Variants in NTNG2 observed in about 807,000 individuals in gnomAD.
The protein encoded by NTNG2 is netrin-G2.
In NTNG2, 15 loss-of-function variants were observed where a neutral mutation model predicts 47.6. The observed-to-expected ratio is 0.32, with a 90% CI of 0.21 to 0.49. The LOEUF is 0.49. NTNG2 is among the 20% of genes least tolerant of loss of function. The pLI is 0.99. For missense variants in NTNG2, 578 were observed against 764.6 expected, an observed-to-expected ratio of 0.76 and a Z score of 2.88; for synonymous variants, 307 against 324.6, an observed-to-expected ratio of 0.95 and a Z score of 0.58.
At chr9:132,228,611 G>A (rs975300289) in intron 4 of NTNG2, among the ~76,000 whole-genome samples, 2 of 150,830 alleles carry the variant, frequency 1.3e-5, no homozygotes, top group Non-Finnish European at 2.9e-5. Context: ...AGGCTGGAGT[G>A]CAGTGGCGCA....
chr9:132,181,557 C>T (rs1038815539), intron 2 of NTNG2, among the ~76,000 whole-genome samples: 5 of 152,114 alleles, frequency 3.3e-5, no homozygotes, highest in Admixed American at 6.6e-5. Flanking sequence ...TTAAGTGATC[C>T]GCCCACCTCA....
intron 3 of NTNG2, among the ~76,000 whole-genome samples, chr9:132,210,278 A>G (rs1186672518): frequency 6.6e-6 from 1 of 152,030 alleles, no homozygotes; most frequent in Non-Finnish European, 1.5e-5. Context: ...TCTTGTAAAG[A>G]TTGTCTGAGA....
At chr9:132,205,770 A>G (rs1051394713) in intron 3 of NTNG2, among the ~76,000 whole-genome samples, 1 of 152,128 alleles carries the variant, frequency 6.6e-6, no homozygotes, top group East Asian at 1.9e-4. Context: ...AATCCCACCT[A>G]CTTGGGAAGC....
intron 3 of NTNG2, among the ~76,000 whole-genome samples, chr9:132,199,281 C>T (rs754904059): frequency 5.9e-5 from 9 of 152,112 alleles, no homozygotes; most frequent in Non-Finnish European, 1.0e-4. Flanking sequence ...CAGGGGTTTC[C>T]GAGACCGCCC....
At chr9:132,191,813 C>T (rs1406262965) in intron 2 of NTNG2, among the ~76,000 whole-genome samples, 3 of 152,194 alleles carry the variant, frequency 2.0e-5, no homozygotes, top group African/African-American at 2.4e-5. Flanking sequence ...ACCTCATATC[C>T]ACCCGCCTCA....
chr9:132,216,036 C>T (rs1390998933), intron 3 of NTNG2, among the ~76,000 whole-genome samples: 1 of 152,160 alleles, frequency 6.6e-6, no homozygotes, highest in Non-Finnish European at 1.5e-5. Context: ...GGTTACAGGA[C>T]ACCGACTGAT....
At chr9:132,216,414 C>CTGTGTGTGTGTG (rs1177821281) in intron 3 of NTNG2, among the ~76,000 whole-genome samples, 2 of 110,288 alleles carry the variant, frequency 1.8e-5, no homozygotes, top group African/African-American at 9.8e-5. Flanking sequence ...CTCTCTCTCT[C>CTGTGTGTGTGTG]TGTGTGTGTG....
intron 2 of NTNG2, among the ~76,000 whole-genome samples, chr9:132,178,149 G>A (rs1836624229): frequency 6.6e-6 from 1 of 152,196 alleles, no homozygotes. Context: ...AGGCCACAGT[G>A]AGGCCTGAGG....
chr9:132,190,213 AAAGAG>A (rs1837768938), intron 2 of NTNG2, among the ~76,000 whole-genome samples: 1 of 135,760 alleles, frequency 7.4e-6, no homozygotes, highest in African/African-American at 2.8e-5. Context: ...AGACTGGGCG[AAAGAG>A]AGAGACTCCA....
chr9:132,230,060 G>A (rs1191019601), intron 4 of NTNG2, among the ~76,000 whole-genome samples: 2 of 152,232 alleles, frequency 1.3e-5, no homozygotes, highest in Non-Finnish European at 2.9e-5. Flanking sequence ...AGGACGGCAC[G>A]ATTTACGCAG....
At chr9:132,223,067 T>C (rs995460112) in intron 3 of NTNG2, among the ~76,000 whole-genome samples, 4 of 152,142 alleles carry the variant, frequency 2.6e-5, no homozygotes, top group African/African-American at 7.2e-5. Context: ...TGAGCCGAGA[T>C]TGTGCCACGG....
rs1453377650 is a variant in NTNG2 at position 132,239,269 on chromosome 9, T to C, written c.1220T>C (p.Ile407Thr). ...GAGCTGGATGATGAGAACGTCTGCA[T>C]TGGTGAGAGGGCACGGACACGGCAC... ...SAELDDENVC[I>T]ECNCNQIGSV... Residue 407 changes from isoleucine (I) to threonine (T), a missense_variant and splice_region_variant, in exon 6 of 8, where the codon ATT becomes ACT. Transcript: ENST00000393229. The C allele has an allele frequency of 6.2e-7, 1 of 1,613,322 alleles. No homozygotes were observed. Among genetic ancestry groups the C allele is most frequent in the Non-Finnish European group, 8.5e-7 (1 of 1,180,004 alleles).
At position 132,188,550 on chromosome 9, in the gene NTNG2, A is replaced by G. The variant is rs1284225828; in HGVS notation, c.214-9416A>G. ...TGAGTCTCGGTTTCCTGAGGATCGC[A>G]CTCTCCAGGATCCCTGGGAGCGTGG... On this transcript the variant is annotated intron_variant, in intron 2 of 7. Transcript: ENST00000393229. Among the ~76,000 whole-genome samples, 5 of 151,860 alleles carry G rather than the reference A, an allele frequency of 3.3e-5. No individual in the cohort carries two copies. In the East Asian group the frequency reaches 7.7e-4, roughly 23 times the overall value.
At position 132,180,342 on chromosome 9, in the gene NTNG2, G is replaced by A. The variant is rs1025545500; in HGVS notation, c.213+13298G>A. On this transcript the variant is annotated intron_variant, in intron 2 of 7. Coordinates refer to ENST00000393229, the MANE Select transcript of NTNG2 (RefSeq NM_032536.4). The surrounding 1 kb of genome is among the most constrained non-coding windows in gnomAD (Gnocchi z 4.2). The stretch of plus-strand genomic sequence containing the variant: ...ATCCTCTGCTGCCAGCCTGCAACAG[G>A]GCAGTGTCCTTCTGGGAGGTGTCCC... Among the ~76,000 whole-genome samples the A allele has an allele frequency of 6.6e-6, 1 of 152,236 alleles. No individual in the cohort carries two copies. The highest frequency in any genetic ancestry group is 1.5e-5 in the Non-Finnish European group (1 of 68,042).
At chr9:132,206,746 ACAGTT>A (rs1432330638) in intron 3 of NTNG2, among the ~76,000 whole-genome samples, 1 of 152,286 alleles carries the variant, frequency 6.6e-6, no homozygotes, top group African/African-American at 2.4e-5. Flanking sequence ...TTTGTTAAGT[ACAGTT>A]CACACACCTT....
intron 3 of NTNG2, among the ~76,000 whole-genome samples, chr9:132,207,478 G>A (rs1182569444): frequency 2.6e-5 from 4 of 152,176 alleles, no homozygotes; most frequent in Admixed American, 6.5e-5. Flanking sequence ...TGTCTTACAC[G>A]CTGTCTCCCC....
Position 132,198,615 on chromosome 9 carries a change from G to C in NTNG2, c.857+6G>C. The C allele has an allele frequency of 1.9e-6, 3 of 1,602,150 alleles. No individual in the cohort carries two copies. The highest frequency in any genetic ancestry group is 2.6e-6 in the Non-Finnish European group (3 of 1,171,878). On this transcript the variant is annotated splice_donor_region_variant and intron_variant, in intron 3 of 7. Transcript: ENST00000393229. ...AACATCGAGGTCATCGGCAGGTAAGGCCGGGGGAAGCCCTGGATGTCACCT... is the reference window on the plus strand; with the variant it reads ...AACATCGAGGTCATCGGCAGGTAAGCCCGGGGGAAGCCCTGGATGTCACCT...
intron 2 of NTNG2, among the ~76,000 whole-genome samples, chr9:132,194,679 G>A (rs989627174): frequency 3.9e-5 from 6 of 152,248 alleles, no homozygotes; most frequent in Admixed American, 1.3e-4. Flanking sequence ...AGGAGATATT[G>A]GACTCTATGG....
chr9:132,217,427 C>T (rs2130873377), intron 3 of NTNG2, among the ~76,000 whole-genome samples: 1 of 152,300 alleles, frequency 6.6e-6, no homozygotes, highest in South Asian at 2.1e-4. Flanking sequence ...TGAGACTCTT[C>T]AGGCTCTGCC....
Sources: allele counts gnomAD v4.1 joint callset (sites outside exome capture counted in the v4.1 genomes callset), GRCh38; gene constraint gnomAD v4.1.1; non-coding constraint Gnocchi (gnomAD v3.1); transcripts MANE v1.5; gene names NCBI Gene and HGNC (gene_info 2026-07-23, HGNC 2026-07-21).